HS6ST3: variants seen among roughly 807,000 people sequenced by gnomAD.
The protein encoded by HS6ST3 is heparan sulfate 6-O-sulfotransferase 3, also known as heparan-sulfate 6-O-sulfotransferase 3.
Under a neutral mutation model 36.7 loss-of-function variants are expected in HS6ST3, and 12 were observed. The observed-to-expected ratio is 0.33, with a 90% CI of 0.21 to 0.53. HS6ST3 has a LOEUF of 0.53. Among genes scored for constraint, HS6ST3 ranks in the 20% least tolerant of loss-of-function variants. The pLI, the probability that HS6ST3 is intolerant of heterozygous loss-of-function variation, is 0.95. For missense variants in HS6ST3, 584 were observed against 640.9 expected, an observed-to-expected ratio of 0.91 and a Z score of 0.96; for synonymous variants, 240 against 257.5, an observed-to-expected ratio of 0.93 and a Z score of 0.65.
intron 1 of HS6ST3, among the ~76,000 whole-genome samples, chr13:96,146,263 G>C (rs865804708): frequency 2.0e-5 from 3 of 152,054 alleles, no homozygotes; most frequent in African/African-American, 2.4e-5. Context: ...CCATTTTCAC[G>C]ATATTGATTC....
chr13:96,462,067 C>T (rs542484251), intron 1 of HS6ST3, among the ~76,000 whole-genome samples: 2 of 152,068 alleles, frequency 1.3e-5, no homozygotes, highest in African/African-American at 4.8e-5. Context: ...TTTTTGAAAA[C>T]TTTTGTTTTT....
intron 1 of HS6ST3, among the ~76,000 whole-genome samples, chr13:96,127,119 T>C (rs1370745946): frequency 6.6e-6 from 1 of 152,214 alleles, no homozygotes; most frequent in African/African-American, 2.4e-5. Flanking sequence ...AAAATTCATC[T>C]GTTGAAGCCC....
intron 1 of HS6ST3, among the ~76,000 whole-genome samples, chr13:96,129,105 C>T (rs1167246102): frequency 6.6e-6 from 1 of 152,196 alleles, no homozygotes; most frequent in African/African-American, 2.4e-5. Context: ...CTTCAGCCTC[C>T]CTCCCAAAGT....
chr13:96,483,281 C>T (rs573990072), intron 1 of HS6ST3, among the ~76,000 whole-genome samples: 4 of 152,174 alleles, frequency 2.6e-5, no homozygotes, highest in East Asian at 1.9e-4. Context: ...TAAAAGGTGG[C>T]GCTTACGAGG....
At chr13:96,424,335 A>G (rs986795464) in intron 1 of HS6ST3, among the ~76,000 whole-genome samples, 1 of 152,238 alleles carries the variant, frequency 6.6e-6, no homozygotes, top group East Asian at 1.9e-4. Flanking sequence ...ACACAATTAC[A>G]TAAATTTAAA....
At chr13:96,159,304 C>G (rs1594698682) in intron 1 of HS6ST3, among the ~76,000 whole-genome samples, 1 of 152,094 alleles carries the variant, frequency 6.6e-6, no homozygotes, top group Non-Finnish European at 1.5e-5. Context: ...CCTGAGGGAG[C>G]AGTGGTAAAT....
chr13:96,235,123 A>T (rs2054528108), intron 1 of HS6ST3, among the ~76,000 whole-genome samples: 1 of 152,176 alleles, frequency 6.6e-6, no homozygotes, highest in African/African-American at 2.4e-5. Context: ...AGAATCTTTA[A>T]TGTTGTTGGA....
At chr13:96,197,007 G>C (rs1329047159) in intron 1 of HS6ST3, among the ~76,000 whole-genome samples, 1 of 152,188 alleles carries the variant, frequency 6.6e-6, no homozygotes, top group Non-Finnish European at 1.5e-5. Flanking sequence ...CTTTCTCTGT[G>C]TGACCTCTAG....
intron 1 of HS6ST3, among the ~76,000 whole-genome samples, chr13:96,730,444 C>G (rs1017937493): frequency 3.9e-5 from 6 of 152,138 alleles, no homozygotes; most frequent in African/African-American, 1.4e-4. Context: ...ATTGGATCAC[C>G]AGGTCAGCCA....
chr13:96,559,454 A>G (rs1262565334), intron 1 of HS6ST3, among the ~76,000 whole-genome samples: 1 of 152,164 alleles, frequency 6.6e-6, no homozygotes, highest in East Asian at 1.9e-4. Flanking sequence ...AAAGCTACAT[A>G]TCTTCCCAAT....
intron 1 of HS6ST3, 54 bp from the exon 2 acceptor site, chr13:96,832,436 A>G: frequency 7.6e-7 from 1 of 1,317,476 alleles, no homozygotes; most frequent in Non-Finnish European, 1.0e-6. Context: ...AAAAATTTAG[A>G]TACCTCCTGT....
At chr13:96,165,990 T>C (rs2054158243) in intron 1 of HS6ST3, among the ~76,000 whole-genome samples, 3 of 152,094 alleles carry the variant, frequency 2.0e-5, no homozygotes, top group Admixed American at 2.0e-4. Context: ...AACTCAACTT[T>C]GCTGAAACAA....
At chr13:96,691,316 A>G (rs556596927) in intron 1 of HS6ST3, among the ~76,000 whole-genome samples, 114 of 152,208 alleles carry the variant, frequency 7.5e-4, no homozygotes, top group African/African-American at 2.7e-3. Flanking sequence ...GTTAGCTTCA[A>G]TATGTCCCTA....
In HS6ST3 at chr13:96,723,318, T is replaced by C. The variant is rs139790703; in HGVS notation, c.708-109172T>C. Among the ~76,000 whole-genome samples, 572 of 152,164 alleles carry C rather than the reference T, an allele frequency of 3.8e-3. 4 individuals carry two copies. Among genetic ancestry groups the C allele is most frequent in the African/African-American group, 0.013 (551 of 41,510 alleles). ...CCTCTACCCTGCGATCCCCATAAGG[T>C]TCTCCAGCAGAAACCCCTGGACTGT... On this transcript the variant is annotated intron_variant, in intron 1 of 1. Coordinates refer to ENST00000376705, the MANE Select transcript of HS6ST3 (RefSeq NM_153456.4).
At chr13:96,261,444 G>T (rs1210214955) in intron 1 of HS6ST3, among the ~76,000 whole-genome samples, 2 of 152,048 alleles carry the variant, frequency 1.3e-5, no homozygotes, top group Non-Finnish European at 2.9e-5. Context: ...AAAGGAAATT[G>T]ATTGCACACT....
At chr13:96,587,737 T>C (rs1390292991) in intron 1 of HS6ST3, among the ~76,000 whole-genome samples, 1 of 152,210 alleles carries the variant, frequency 6.6e-6, no homozygotes, top group East Asian at 1.9e-4. Flanking sequence ...TCCCTAATGA[T>C]GCAAAGGCCT....
chr13:96,326,490 C>T (rs1426671758), intron 1 of HS6ST3, among the ~76,000 whole-genome samples: 2 of 151,974 alleles, frequency 1.3e-5, no homozygotes, highest in Admixed American at 6.6e-5. Flanking sequence ...ATCCATGTCC[C>T]TACAAAGGAC....
intron 1 of HS6ST3, among the ~76,000 whole-genome samples, chr13:96,669,332 T>TG (rs1325831584): frequency 6.6e-6 from 1 of 152,128 alleles, no homozygotes; most frequent in African/African-American, 2.4e-5. Context: ...AGGAGTTAGA[T>TG]GGGCCCTCAG....
At chr13:96,390,342 GACA>G (rs2055389517) in intron 1 of HS6ST3, among the ~76,000 whole-genome samples, 1 of 151,992 alleles carries the variant, frequency 6.6e-6, no homozygotes, top group African/African-American at 2.4e-5. Flanking sequence ...AAATCTAATC[GACA>G]ACGTGATGGG....
Sources: gnomAD v4.1 joint callset for allele counts (sites outside exome capture counted in the v4.1 genomes callset) on GRCh38, gnomAD v4.1.1 for gene constraint, MANE v1.5 for transcripts, NCBI Gene and HGNC (gene_info 2026-07-23, HGNC 2026-07-21) for gene names.